The following TMEM163 variants were observed in gnomAD, a reference collection of about 807,000 sequenced individuals.
TMEM163 encodes the protein transmembrane protein 163.
Under a neutral mutation model 29.3 loss-of-function variants are expected in TMEM163, and 17 were observed. The observed-to-expected ratio is 0.58, with a 90% confidence interval of 0.40 to 0.87. The LOEUF is 0.87. Among genes scored for constraint, TMEM163 ranks in the 40% least tolerant of loss-of-function variants. The pLI is 0.00. For missense variants in TMEM163, 303 were observed against 381.5 expected (o/e 0.79, Z 1.71); for synonymous variants, 157 against 160.6 (o/e 0.98, Z 0.17).
intron 2 of TMEM163, among the ~76,000 whole-genome samples, chr2:134,604,879 T>C (rs1382638659): frequency 6.6e-6 from 1 of 152,126 alleles, no homozygotes; most frequent in Non-Finnish European, 1.5e-5. Context: ...AAAGATTTGT[T>C]TTTAAGAACA....
In TMEM163 at chr2:134,492,812, G is replaced by C. The variant is rs112242880; in HGVS notation, c.555+10089C>G. Reference sequence around the variant, plus strand: ...AGAAATGAAACTGCAATAAACATTTGTGTAAGAGTCTTTGTGCAGACATGT... The same window carrying C: ...AGAAATGAAACTGCAATAAACATTTCTGTAAGAGTCTTTGTGCAGACATGT... On this transcript the variant is annotated intron_variant, in intron 5 of 7. Transcript: ENST00000281924. Among the ~76,000 whole-genome samples the C allele has an allele frequency of 1.3e-4, 20 of 152,294 alleles. 1 individual carries two copies. Among genetic ancestry groups the C allele is most frequent in the Admixed American group, 5.2e-4 (8 of 15,306 alleles).
chr2:134,485,484 A>G (rs1275183702), intron 5 of TMEM163, among the ~76,000 whole-genome samples: 3 of 152,192 alleles, frequency 2.0e-5, no homozygotes, highest in Non-Finnish European at 2.9e-5. Context: ...GATTACAGGA[A>G]CTGCGTAAGT....
chr2:134,539,097 G>C (rs77588393), intron 4 of TMEM163, among the ~76,000 whole-genome samples: 8 of 152,234 alleles, frequency 5.3e-5, no homozygotes, highest in African/African-American at 1.9e-4. Flanking sequence ...GTCAAACACT[G>C]TACCAAGCAA....
At chr2:134,595,317 A>C (rs1477371067) in intron 2 of TMEM163, among the ~76,000 whole-genome samples, 2 of 151,432 alleles carry the variant, frequency 1.3e-5, no homozygotes, top group Non-Finnish European at 1.5e-5. Context: ...TCCTGTGTCC[A>C]AGTGTTCTCA....
chr2:134,696,051 C>CAA (rs60333876), intron 2 of TMEM163, among the ~76,000 whole-genome samples: 2 of 79,128 alleles, frequency 2.5e-5, no homozygotes, highest in East Asian at 3.2e-4. Context: ...GACACCGTCT[C>CAA]AAAAAAAAAA....
chr2:134,595,078 A>C (rs1207912891), intron 2 of TMEM163, among the ~76,000 whole-genome samples: 1 of 151,708 alleles, frequency 6.6e-6, no homozygotes, highest in Admixed American at 6.6e-5. Flanking sequence ...ATAAAGCATA[A>C]ATTTTTATTT....
At chr2:134,632,028 G>A (rs1345934570) in intron 2 of TMEM163, among the ~76,000 whole-genome samples, 1 of 152,302 alleles carries the variant, frequency 6.6e-6, no homozygotes, top group South Asian at 2.1e-4. Context: ...TTCCAACAAA[G>A]TCATATGGAG....
In TMEM163 at chr2:134,662,537, GA is replaced by G. The variant is rs574988899; in HGVS notation, c.322+50662del. 5.0e-3 allele frequency among the ~76,000 whole-genome samples: 760 copies of G among 150,712 alleles called. 1 individual carries two copies. The highest frequency in any genetic ancestry group is 8.1e-3 in the Non-Finnish European group (544 of 67,572). ...ATATAATTTCAAAATATGTATACAG[GA>G]AAAAAAAAGACTAGCTGTAAATATG... On this transcript the variant is annotated intron_variant, in intron 2 of 7. Transcript: ENST00000281924.
intron 2 of TMEM163, among the ~76,000 whole-genome samples, chr2:134,680,674 C>G (rs1684210711): frequency 6.6e-6 from 1 of 152,160 alleles, no homozygotes; most frequent in Non-Finnish European, 1.5e-5. Context: ...CACTCCCTGG[C>G]CAGGTCAAAG....
Position 134,699,838 on chromosome 2 carries a change from G to A in TMEM163, c.322+13362C>T, listed in dbSNP as rs143280749. On this transcript the variant is annotated intron_variant, in intron 2 of 7. Transcript: ENST00000281924. The stretch of plus-strand genomic sequence containing the variant: ...TCACAAATGTTTTATCTTCTGGGTG[G>A]TTGGAACTTTTGTTTATATGGTAAC... 9.3e-3 allele frequency among the ~76,000 whole-genome samples: 1,411 copies of A among 152,196 alleles called. 7 individuals carry two copies. The highest frequency in any genetic ancestry group is 0.019 in the Admixed American group (297 of 15,294).
chr2:134,609,060 G>T (rs1437446774), intron 2 of TMEM163, among the ~76,000 whole-genome samples: 1 of 96,538 alleles, frequency 1.0e-5, no homozygotes, highest in Non-Finnish European at 2.2e-5. Context: ...CTGGTGAAAA[G>T]GACAGACCCC....
intron 4 of TMEM163, among the ~76,000 whole-genome samples, chr2:134,546,461 G>A (rs1296836648): frequency 6.6e-6 from 1 of 152,134 alleles, no homozygotes; most frequent in Non-Finnish European, 1.5e-5. Context: ...GGCCAACATG[G>A]CAAAACTCCA....
chr2:134,530,328 G>A (rs192794034), intron 4 of TMEM163, among the ~76,000 whole-genome samples: 73 of 152,276 alleles, frequency 4.8e-4, no homozygotes, highest in East Asian at 1.5e-3. Flanking sequence ...CTGGAGTTCA[G>A]TGGTGTGATT....
chr2:134,676,179 T>A (rs1684110882), intron 2 of TMEM163, among the ~76,000 whole-genome samples: 1 of 152,202 alleles, frequency 6.6e-6, no homozygotes, highest in Admixed American at 6.5e-5. Context: ...AAATACACTC[T>A]CCCCATTGCC....
rs186272374 is a variant in TMEM163 at position 134,524,983 on chromosome 2, C to T, written c.459-21986G>A. Reference sequence around the variant, plus strand: ...ATGGTTGAACTAATCTACGTTCCTACCAACAGTGTAATAGCGTTCCTATTT... The same window carrying T: ...ATGGTTGAACTAATCTACGTTCCTATCAACAGTGTAATAGCGTTCCTATTT... On this transcript the variant is annotated intron_variant, in intron 4 of 7. Coordinates refer to ENST00000281924, the MANE Select transcript of TMEM163 (RefSeq NM_030923.5). Among the ~76,000 whole-genome samples, 13 of 134,670 alleles carry T rather than the reference C, an allele frequency of 9.7e-5. 2 individuals are homozygous for T. In the East Asian group the frequency reaches 3.5e-3, roughly 36 times the overall value. 88.3% of individuals were successfully genotyped at this position (134,670 alleles called of 152,430 possible). A position where few individuals can be genotyped will look rare whatever the true frequency, so the allele number is the denominator to read the frequency against.
At chr2:134,476,306 G>T (rs1034131050) in intron 5 of TMEM163, among the ~76,000 whole-genome samples, 2 of 152,198 alleles carry the variant, frequency 1.3e-5, no homozygotes, top group Admixed American at 6.5e-5. Context: ...ACTAGCTGGG[G>T]AGAGGAGGTG....
chr2:134,473,365 G>A (rs1686846248), intron 5 of TMEM163, among the ~76,000 whole-genome samples: 4 of 151,752 alleles, frequency 2.6e-5, no homozygotes, highest in African/African-American at 7.3e-5. Context: ...GGGAAACCCT[G>A]TCTCTACTAA....
intron 5 of TMEM163, among the ~76,000 whole-genome samples, chr2:134,474,917 G>A (rs947295713): frequency 6.6e-6 from 1 of 152,038 alleles, no homozygotes; most frequent in Non-Finnish European, 1.5e-5. Flanking sequence ...TCCCCAAACC[G>A]ATCTGGATGC....
chr2:134,687,463 C>T (rs1260183205), intron 2 of TMEM163, among the ~76,000 whole-genome samples: 3 of 152,138 alleles, frequency 2.0e-5, no homozygotes, highest in African/African-American at 7.2e-5. Flanking sequence ...AGTTTAATAA[C>T]AATGCACAAT....
Sources: allele counts gnomAD v4.1 joint callset (sites outside exome capture counted in the v4.1 genomes callset), GRCh38; gene constraint gnomAD v4.1.1; transcripts MANE v1.5; gene names NCBI Gene and HGNC (gene_info 2026-07-23, HGNC 2026-07-21).